Variants in SLC44A5 observed in about 807,000 individuals in gnomAD.
The protein encoded by SLC44A5 is choline transporter-like protein 5.
Under a neutral mutation model 101.8 loss-of-function variants are expected in SLC44A5, and 57 were observed. That is an observed-to-expected ratio of 0.56 (90% confidence interval 0.45 to 0.70). SLC44A5 has a LOEUF of 0.70. Ranked by LOEUF, SLC44A5 falls within the 30% of genes least tolerant of loss-of-function variation. SLC44A5 has a pLI of 0.00. For synonymous variants in SLC44A5, 281 were observed against 290.9 expected (o/e 0.97, Z 0.35); for missense variants, 737 against 853.1 (o/e 0.86, Z 1.70).
upstream of SLC44A5, among the ~76,000 whole-genome samples, chr1:75,612,849 A>G (rs1292664623): frequency 6.6e-6 from 1 of 152,220 alleles, no homozygotes; most frequent in Non-Finnish European, 1.5e-5. Flanking sequence ...ATTATAACCA[A>G]TGTAACCAGC....
chr1:75,231,764 G>C (rs1647592782), intron 12 of SLC44A5, among the ~76,000 whole-genome samples: 1 of 152,178 alleles, frequency 6.6e-6, no homozygotes, highest in East Asian at 1.9e-4. Context: ...AATATGTGAT[G>C]AATCTGGGAT....
At chr1:75,698,961 T>C in the SLC44A5 span, among the ~76,000 whole-genome samples, 1 of 151,846 alleles carries the variant, frequency 6.6e-6, no homozygotes, top group South Asian at 2.1e-4. Flanking sequence ...GAAAAAAGAA[T>C]AAAAAGAAAG....
intron 2 of SLC44A5, among the ~76,000 whole-genome samples, chr1:75,428,427 G>A (rs1249786): frequency 0.24 from 35,907 of 152,014 alleles, 5,360 homozygotes; most frequent in East Asian, 0.8. Context: ...CAGGGAGTAC[G>A]TCCTATTAAT....
the SLC44A5 span, among the ~76,000 whole-genome samples, chr1:75,698,350 T>C: frequency 2.0e-5 from 3 of 152,036 alleles, no homozygotes; most frequent in African/African-American, 4.8e-5. Flanking sequence ...TGACCCCTGA[T>C]CCCCGAGCAG....
At chr1:75,338,217 A>G in intron 4 of SLC44A5, among the ~76,000 whole-genome samples, 2 of 152,292 alleles carry the variant, frequency 1.3e-5, no homozygotes, top group Middle Eastern at 6.8e-3. Flanking sequence ...CCCCAGGTAA[A>G]AATAAATTAC....
intron 23 of SLC44A5, chr1:75,206,776 AT>A: frequency 1.0e-6 from 1 of 957,170 alleles, no homozygotes; most frequent in Non-Finnish European, 1.6e-6. Context: ...AATTATACAC[AT>A]TTTTATAAAT....
intron 4 of SLC44A5, among the ~76,000 whole-genome samples, chr1:75,306,630 G>A (rs1181899801): frequency 6.6e-6 from 1 of 150,764 alleles, no homozygotes; most frequent in Non-Finnish European, 1.5e-5. Flanking sequence ...GCATATTTTG[G>A]TTTCACACTA....
chr1:75,709,297 A>G, the SLC44A5 span, among the ~76,000 whole-genome samples: 1 of 152,222 alleles, frequency 6.6e-6, no homozygotes, highest in Non-Finnish European at 1.5e-5. Flanking sequence ...ATACTTAGAA[A>G]TCTATTTTAA....
chr1:75,721,189 G>A, the SLC44A5 span, among the ~76,000 whole-genome samples: 1 of 152,126 alleles, frequency 6.6e-6, no homozygotes, highest in Non-Finnish European at 1.5e-5. Flanking sequence ...TAGTCTTTCA[G>A]GTTAAATTTA....
chr1:75,413,358 GTCT>G lies in SLC44A5; in HGVS notation c.14-16740_14-16738del, dbSNP rs376139319. Among the ~76,000 whole-genome samples the G allele has an allele frequency of 5.7e-4, 87 of 152,116 alleles. 3 individuals carry two copies. In the East Asian group the frequency reaches 0.014, roughly 24 times the overall value. On this transcript the variant is annotated intron_variant, in intron 2 of 23. Coordinates refer to ENST00000370859, the MANE Select transcript of SLC44A5 (RefSeq NM_001130058.2). Reference sequence around the variant, plus strand: ...AGCATATTTTAGAGTTTGCTATTCTGTCTTCTTCTTCCTCTCTTACAAGTCACC... The same window carrying G: ...AGCATATTTTAGAGTTTGCTATTCTGTCTTCTTCCTCTCTTACAAGTCACC...
At chr1:75,357,825 C>T (rs1287666107) in intron 3 of SLC44A5, among the ~76,000 whole-genome samples, 4 of 152,134 alleles carry the variant, frequency 2.6e-5, no homozygotes, top group African/African-American at 9.7e-5. Flanking sequence ...TTAACTTTAA[C>T]CTTGCTCTCA....
At chr1:75,459,480 C>G (rs891684855) in intron 2 of SLC44A5, among the ~76,000 whole-genome samples, 4 of 152,148 alleles carry the variant, frequency 2.6e-5, no homozygotes, top group African/African-American at 9.7e-5. Flanking sequence ...GGATCCCCTT[C>G]TATTCCCAGC....
intron 5 of SLC44A5, among the ~76,000 whole-genome samples, chr1:75,284,593 C>T (rs1243324974): frequency 6.6e-6 from 1 of 152,010 alleles, no homozygotes; most frequent in Non-Finnish European, 1.5e-5. Context: ...TTTCAGTTCT[C>T]AGGGGGAATG....
intron 2 of SLC44A5, among the ~76,000 whole-genome samples, chr1:75,483,285 A>T (rs1397152563): frequency 6.6e-6 from 1 of 152,222 alleles, no homozygotes; most frequent in Non-Finnish European, 1.5e-5. Flanking sequence ...GCTTTGTTTT[A>T]AAAATCCAGA....
intron 3 of SLC44A5, among the ~76,000 whole-genome samples, chr1:75,361,021 C>T (rs149781864): frequency 6.6e-6 from 1 of 152,024 alleles, no homozygotes; most frequent in East Asian, 1.9e-4. Flanking sequence ...CAAATATTTC[C>T]CCTACATGAT....
chr1:75,675,853 T>C, the SLC44A5 span, among the ~76,000 whole-genome samples: 1 of 152,026 alleles, frequency 6.6e-6, no homozygotes, highest in Admixed American at 6.6e-5. Context: ...TAAATAAATT[T>C]GTAAGAAAAA....
intron 23 of SLC44A5, among the ~76,000 whole-genome samples, chr1:75,206,917 C>A (rs917399307): frequency 6.6e-6 from 1 of 152,100 alleles, no homozygotes; most frequent in Admixed American, 6.6e-5. Flanking sequence ...AACACTGAAA[C>A]TTCCTAAATC....
Position 75,575,041 on chromosome 1 carries a change from A to G in SLC44A5, c.-69-33525T>C, listed in dbSNP as rs58735293. ...ACTATCACTCCTATTTTCTAGAGGA[A>G]ACATATAGGATATCAAAATGCTTAC... On this transcript the variant is annotated intron_variant, in intron 1 of 23. Transcript: ENST00000370859. 7.9e-3 allele frequency among the ~76,000 whole-genome samples: 1,199 copies of G among 152,264 alleles called. 27 individuals are homozygous for G. The highest frequency in any genetic ancestry group is 0.028 in the African/African-American group (1,153 of 41,560).
chr1:75,580,948 G>T (rs1177454344), intron 1 of SLC44A5, among the ~76,000 whole-genome samples: 1 of 152,012 alleles, frequency 6.6e-6, no homozygotes, highest in Non-Finnish European at 1.5e-5. Flanking sequence ...CCTACAAGAT[G>T]GAATTAGTGC....
Sources: allele counts gnomAD v4.1 joint callset (sites outside exome capture counted in the v4.1 genomes callset), GRCh38; gene constraint gnomAD v4.1.1; transcripts MANE v1.5; gene names NCBI Gene and HGNC (gene_info 2026-07-23, HGNC 2026-07-21).